MAP3K7CL: variants seen among roughly 807,000 people sequenced by gnomAD.
MAP3K7CL encodes the protein MAP3K7 C-terminal like.
In MAP3K7CL, 16 loss-of-function variants were observed where a neutral mutation model predicts 18.6. The ratio of observed to expected loss-of-function variants is 0.86; its 90% CI spans 0.58 to 1.31. The LOEUF (loss-of-function observed/expected upper bound fraction) is 1.31, where lower values mean the gene tolerates loss of function less well. MAP3K7CL is among the 50% of genes most tolerant of loss of function. The probability of loss-of-function intolerance (pLI) is 0.00; values close to 1 mark genes in which losing one functional copy is unlikely to be tolerated. For missense variants in MAP3K7CL, 163 were observed against 174.4 expected (o/e 0.93, Z 0.37); for synonymous variants, 65 against 66.8 (o/e 0.97, Z 0.13).
At chr21:29,102,578 A>G (rs2146534933) in intron 4 of MAP3K7CL, 1 of 150,956 alleles carries the variant, frequency 6.6e-6, no homozygotes, top group Middle Eastern at 3.4e-3. Context: ...CCGCCTCTCA[A>G]AGTGCTGGGA....
At chr21:29,140,187 A>G (rs1316097888) in intron 2 of MAP3K7CL, among the ~76,000 whole-genome samples, 1 of 152,216 alleles carries the variant, frequency 6.6e-6, no homozygotes, top group Non-Finnish European at 1.5e-5. Flanking sequence ...GTTGAGAACT[A>G]TAGTAGAAAC....
At chr21:29,136,391 G>A (rs184696557) in intron 2 of MAP3K7CL, among the ~76,000 whole-genome samples, 1 of 152,304 alleles carries the variant, frequency 6.6e-6, no homozygotes, top group Non-Finnish European at 1.5e-5. Flanking sequence ...CATAGTAAAT[G>A]AGGGCACTAA....
In MAP3K7CL at chr21:29,091,792, C is replaced by G. The variant is rs186949841; in HGVS notation, c.227+31C>G. On this transcript the variant is annotated intron_variant, in intron 3 of 6. Coordinates refer to the MAP3K7CL transcript ENST00000286791. ...AACTACTGCACCTGGCCTGTCCATT[C>G]TCAAATACATGATAGTAACTCCCAT... 1.3e-3 allele frequency: 906 copies of G among 700,438 alleles called. 2 individuals are homozygous for G. Among genetic ancestry groups the G allele is most frequent in the Middle Eastern group, 4.7e-3 (20 of 4,252 alleles). 43.4% of individuals were successfully genotyped at this position (700,438 alleles called of 1,614,324 possible).
chr21:29,096,755 G>A (rs576009756), intron 4 of MAP3K7CL, among the ~76,000 whole-genome samples: 45 of 152,288 alleles, frequency 3.0e-4, no homozygotes, highest in African/African-American at 1.1e-3. Context: ...GAAGTCCGTT[G>A]GGTAGAGCTG....
At chr21:29,087,844 C>T (rs567797442) in intron 1 of MAP3K7CL, among the ~76,000 whole-genome samples, 3 of 152,132 alleles carry the variant, frequency 2.0e-5, no homozygotes, top group South Asian at 2.1e-4. Context: ...CCGCCCACCT[C>T]GGCCTCCCAA....
chr21:29,089,923 TAAGA>T (rs1188071976), intron 1 of MAP3K7CL, among the ~76,000 whole-genome samples: 3 of 146,644 alleles, frequency 2.0e-5, no homozygotes, highest in South Asian at 2.2e-4. Flanking sequence ...GTAAGGAGAA[TAAGA>T]AAGAAGGAGG....
intron 4 of MAP3K7CL, among the ~76,000 whole-genome samples, chr21:29,173,947 G>T (rs1269534918): frequency 1.3e-5 from 2 of 152,152 alleles, no homozygotes; most frequent in Non-Finnish European, 2.9e-5. Flanking sequence ...AGAGATATTT[G>T]CCTAGGTATC....
intron 2 of MAP3K7CL, among the ~76,000 whole-genome samples, chr21:29,144,787 T>C (rs574499229): frequency 1.6e-4 from 25 of 152,326 alleles, no homozygotes; most frequent in African/African-American, 2.6e-4. Flanking sequence ...GTGTCCTATT[T>C]ATTCAAGTTA....
chr21:29,122,659 CT>C (rs1246016707), intron 4 of MAP3K7CL, among the ~76,000 whole-genome samples: 1 of 152,222 alleles, frequency 6.6e-6, no homozygotes, highest in East Asian at 1.9e-4. Flanking sequence ...GCTGCTGCTG[CT>C]TTTCTCTACT....
At chr21:29,109,910 A>G (rs1207685352) in intron 4 of MAP3K7CL, 1 of 489,512 alleles carries the variant, frequency 2.0e-6, no homozygotes, top group Admixed American at 6.4e-5. Flanking sequence ...GCTCTCCAAG[A>G]AGACATTAAT....
intron 4 of MAP3K7CL, among the ~76,000 whole-genome samples, chr21:29,162,311 CTTT>C: frequency 7.0e-6 from 1 of 142,688 alleles, no homozygotes; most frequent in African/African-American, 2.6e-5. Flanking sequence ...TTATGTGTAG[CTTT>C]TTTTTTTTTG....
At chr21:29,172,430 T>C (rs758751100) in intron 4 of MAP3K7CL, among the ~76,000 whole-genome samples, 1 of 152,164 alleles carries the variant, frequency 6.6e-6, no homozygotes, top group Non-Finnish European at 1.5e-5. Context: ...TGATGTCTAT[T>C]TATCTCATGA....
intron 2 of MAP3K7CL, among the ~76,000 whole-genome samples, chr21:29,137,073 A>C (rs1406364661): frequency 6.6e-6 from 1 of 152,252 alleles, no homozygotes; most frequent in East Asian, 1.9e-4. Context: ...TTATAGGTAA[A>C]GTATTTAGCA....
At chr21:29,137,485 G>A (rs1268839803) in intron 2 of MAP3K7CL, among the ~76,000 whole-genome samples, 2 of 152,104 alleles carry the variant, frequency 1.3e-5, no homozygotes, top group African/African-American at 2.4e-5. Context: ...CTTGAGGGCA[G>A]GTAGAGTATA....
intron 1 of MAP3K7CL, among the ~76,000 whole-genome samples, chr21:29,079,601 A>G (rs2853829): frequency 1.3e-5 from 2 of 152,246 alleles, no homozygotes; most frequent in Non-Finnish European, 2.9e-5. Context: ...ACAAGTTTCC[A>G]TGGCTGCTTT....
At chr21:29,170,228 T>C (rs1366228591) in intron 4 of MAP3K7CL, among the ~76,000 whole-genome samples, 1 of 152,244 alleles carries the variant, frequency 6.6e-6, no homozygotes, top group Non-Finnish European at 1.5e-5. Flanking sequence ...TTTCATTGGA[T>C]GTCTGTATAA....
At chr21:29,151,049 C>T (rs1048267741) in intron 3 of MAP3K7CL, among the ~76,000 whole-genome samples, 3 of 151,680 alleles carry the variant, frequency 2.0e-5, no homozygotes, top group African/African-American at 4.8e-5. Flanking sequence ...GGATTGCAGG[C>T]GTGAGCCACG....
intron 1 of MAP3K7CL, 94 bp from the exon 2 acceptor site, chr21:29,133,212 C>A (rs774152834): frequency 3.5e-6 from 3 of 854,322 alleles, no homozygotes; most frequent in East Asian, 2.8e-5. Flanking sequence ...TGCTTACTAA[C>A]CTTAATAACT....
At chr21:29,123,431 A>G (rs2086631317) in intron 4 of MAP3K7CL, among the ~76,000 whole-genome samples, 1 of 152,170 alleles carries the variant, frequency 6.6e-6, no homozygotes, top group African/African-American at 2.4e-5. Context: ...TCACATCTGA[A>G]TCTGACCGAG....
Sources: gnomAD v4.1 joint callset for allele counts (sites outside exome capture counted in the v4.1 genomes callset) on GRCh38, gnomAD v4.1.1 for gene constraint, MANE v1.5 for transcripts, NCBI Gene and HGNC (gene_info 2026-07-23, HGNC 2026-07-21) for gene names.